Variants in RPL6 observed in about 807,000 individuals in gnomAD.
The protein encoded by RPL6 is large ribosomal subunit protein eL6.
Under a neutral mutation model 32.1 loss-of-function variants are expected in RPL6, and 1 was observed. That is an observed-to-expected ratio of 0.03 (90% CI 0.01 to 0.15). The LOEUF (loss-of-function observed/expected upper bound fraction) is 0.15, where lower values mean the gene tolerates loss of function less well. RPL6 is among the 10% of genes least tolerant of loss of function. The probability of loss-of-function intolerance (pLI) is 1.00; values close to 1 mark genes in which losing one functional copy is unlikely to be tolerated. For missense variants in RPL6, 275 were observed against 354.6 expected, an observed-to-expected ratio of 0.78 and a Z score of 1.80; for synonymous variants, 126 against 131.6, an observed-to-expected ratio of 0.96 and a Z score of 0.29.
chr12:112,416,133 ATTTTTT>A (rs1168421826), intron 1 of RPL6, among the ~76,000 whole-genome samples: 6 of 51,052 alleles, frequency 1.2e-4, no homozygotes, highest in Admixed American at 2.5e-4. Flanking sequence ...TAAATTTTGT[ATTTTTT>A]TTTTTTTTTT....
At chr12:112,406,509 G>T in intron 4 of RPL6, 167 bp from the exon 5 acceptor site, 1 of 784,316 alleles carries the variant, frequency 1.3e-6, no homozygotes, top group Non-Finnish European at 2.0e-6. Context: ...TAGTACTCCA[G>T]ACATAAACAC....
chr12:112,410,062 C>A (rs1841664377), upstream of RPL6, among the ~76,000 whole-genome samples: 2 of 151,028 alleles, frequency 1.3e-5, no homozygotes, highest in Admixed American at 1.3e-4. Context: ...AATCCCAGCA[C>A]TCCAAAGATC....
intron 1 of RPL6, 75 bp from the exon 2 acceptor site, chr12:112,408,731 A>G (rs2037262310): frequency 2.3e-6 from 3 of 1,307,886 alleles, no homozygotes; most frequent in African/African-American, 2.9e-5. Flanking sequence ...ATGAACCTGT[A>G]CATGAATGGG....
chr12:112,414,840 G>GCTTGCA (rs2037384712), upstream of RPL6, among the ~76,000 whole-genome samples: 1 of 151,996 alleles, frequency 6.6e-6, no homozygotes, highest in Non-Finnish European at 1.5e-5. Context: ...AGGAGGCGGT[G>GCTTGCA]CTTGCAGTGA....
chr12:112,406,065 G>T, intron 5 of RPL6, 28 bp from the exon 6 acceptor site: 1 of 1,565,726 alleles, frequency 6.4e-7, no homozygotes, highest in Admixed American at 1.8e-5. Context: ...ATTTAGCAAG[G>T]AAAAGGGGGA....
At position 112,406,079 on chromosome 12, in the gene RPL6, A is replaced by C. The variant is rs986312022; in HGVS notation, c.530-42T>G. ...AATTTAGCAAGGAAAAGGGGGAAGAATCATCATCCTGCAATTTAGGTGACC... is the reference window on the plus strand; with the variant it reads ...AATTTAGCAAGGAAAAGGGGGAAGACTCATCATCCTGCAATTTAGGTGACC... On this transcript the variant is annotated intron_variant, in intron 5 of 6. Transcript: ENST00000202773. 10 of 1,525,712 alleles carry C rather than the reference A, an allele frequency of 6.6e-6. No homozygotes were observed. The African/African-American group carries it at 1.2e-4, about 19-fold the overall frequency. The allele number at this position is 1,525,712 out of a possible 1,614,324, so 94.5% of individuals were successfully genotyped here. A position where few individuals can be genotyped will look rare whatever the true frequency, so the allele number is the denominator to read the frequency against.
At chr12:112,408,147 T>G in intron 3 of RPL6, 93 bp downstream of exon 3, 1 of 896,296 alleles carries the variant, frequency 1.1e-6, no homozygotes, top group Admixed American at 2.5e-5. Flanking sequence ...AATTCTCCGG[T>G]ATGCAGAAAC....
upstream of RPL6, among the ~76,000 whole-genome samples, chr12:112,414,675 G>A (rs542044724): frequency 1.3e-5 from 2 of 152,186 alleles, no homozygotes; most frequent in Admixed American, 6.6e-5. Context: ...AGGCCGAGTC[G>A]GGTGGATCAC....
rs573338440 is a variant in RPL6, at chr12:112,417,388, C to A, written c.-229+1340G>T. Among the ~76,000 whole-genome samples the A allele has an allele frequency of 2.2e-4, 33 of 151,736 alleles. No homozygotes were observed. The South Asian group carries it at 6.4e-3, about 30-fold the overall frequency. On this transcript the variant is annotated intron_variant, in intron 1 of 5. Transcript: ENST00000551291. ...TGTAGCCTTCAATGAGTCATATGCG[C>A]ATCAATCAAGTAAAAGCTCTACTCT...
At chr12:112,406,914 CTTAT>C (rs780974934) in intron 3 of RPL6, 24 bp from the exon 4 acceptor site, 3 of 1,612,498 alleles carry the variant, frequency 1.9e-6, no homozygotes, top group East Asian at 4.5e-5. Context: ...ATAGATCCAA[CTTAT>C]TTAAATAAGC....
chr12:112,411,259 T>C (rs953568059), upstream of RPL6: 3 of 152,260 alleles, frequency 2.0e-5, no homozygotes, highest in Non-Finnish European at 4.4e-5. Flanking sequence ...AGTTCTTTAC[T>C]GCTTCAAAGC....
At chr12:112,417,176 G>A (rs2037422837) in intron 1 of RPL6, among the ~76,000 whole-genome samples, 1 of 152,112 alleles carries the variant, frequency 6.6e-6, no homozygotes, top group Admixed American at 6.5e-5. Flanking sequence ...TCCCACCTCA[G>A]CCTCCGGAGT....
At chr12:112,405,765 A>G (rs2037142669) in intron 6 of RPL6, 88 bp downstream of exon 6, 1 of 1,108,170 alleles carries the variant, frequency 9.0e-7, no homozygotes, top group Non-Finnish European at 1.3e-6. Flanking sequence ...TTAACCTTTC[A>G]TTTTTCTTCT....
chr12:112,410,822 G>T (rs560213411), upstream of RPL6, among the ~76,000 whole-genome samples: 1 of 151,856 alleles, frequency 6.6e-6, no homozygotes, highest in African/African-American at 2.4e-5. Context: ...TAATCCACCC[G>T]CCTCAGCCTC....
chr12:112,410,863 C>T (rs2037333760), upstream of RPL6, among the ~76,000 whole-genome samples: 1 of 152,138 alleles, frequency 6.6e-6, no homozygotes, highest in Admixed American at 6.5e-5. Context: ...GCGTGAGCCA[C>T]CGCACCTGGC....
chr12:112,405,841 G>A lies in RPL6; in HGVS notation c.714+12C>T, dbSNP rs774951782. ...CCAGTGCTAACACAGGAGATGACAA[G>A]TAGAAACTTACCTCTTTTTCTGTGT... On this transcript the variant is annotated intron_variant, in intron 6 of 6. Transcript: ENST00000202773. 31 of 1,606,088 alleles carry A rather than the reference G, an allele frequency of 1.9e-5. No individual in the cohort carries two copies. In the African/African-American group the frequency reaches 2.7e-4, roughly 14 times the overall value.
chr12:112,407,803 G>A (rs906089665), intron 3 of RPL6: 7 of 171,670 alleles, frequency 4.1e-5, no homozygotes, highest in Non-Finnish European at 6.3e-5. Context: ...GAGTGCAGTA[G>A]TGCAATCTCT....
chr12:112,417,842 G>C (rs923183237), intron 1 of RPL6, among the ~76,000 whole-genome samples: 1 of 151,464 alleles, frequency 6.6e-6, no homozygotes, highest in African/African-American at 2.4e-5. Context: ...ATTTTTTGTA[G>C]AGATGGGATT....
At chr12:112,405,522 T>C in intron 6 of RPL6, 146 bp from the exon 7 acceptor site, 2 of 877,036 alleles carry the variant, frequency 2.3e-6, no homozygotes, top group East Asian at 2.7e-5. Flanking sequence ...TTCCTTGGAA[T>C]GCTGTGAAAC....
Sources: allele counts gnomAD v4.1 joint callset (sites outside exome capture counted in the v4.1 genomes callset), GRCh38; gene constraint gnomAD v4.1.1; transcripts MANE v1.5; gene names NCBI Gene and HGNC (gene_info 2026-07-23, HGNC 2026-07-21).